The following UNC5C variants were observed in gnomAD, a reference collection of about 807,000 sequenced individuals.
UNC5C encodes unc-5 netrin receptor C.
Under a neutral mutation model 99.8 loss-of-function variants are expected in UNC5C, and 47 were observed. That is an observed-to-expected ratio of 0.47 (90% CI 0.37 to 0.60). The LOEUF is 0.60. UNC5C is among the 20% of genes least tolerant of loss of function. The probability of loss-of-function intolerance (pLI) is 0.00; values close to 1 mark genes in which losing one functional copy is unlikely to be tolerated. For missense variants in UNC5C, 1,062 were observed against 1,165.9 expected (o/e 0.91, Z 1.30); for synonymous variants, 487 against 452.2 (o/e 1.08, Z -0.98).
intron 4 of UNC5C, among the ~76,000 whole-genome samples, chr4:95,268,662 T>C (rs6847919): frequency 0.1 from 15,672 of 152,218 alleles, 2,269 homozygotes; most frequent in African/African-American, 0.33. Flanking sequence ...CACTGATTGG[T>C]ATCGGGAGAA....
intron 1 of UNC5C, 30 bp from the exon 2 acceptor site, chr4:95,335,661 T>G: frequency 1.3e-6 from 2 of 1,558,668 alleles, no homozygotes; most frequent in South Asian, 2.4e-5. Flanking sequence ...TGGAAGATGG[T>G]TAACACATTG....
intron 10 of UNC5C, among the ~76,000 whole-genome samples, chr4:95,210,536 A>G (rs1579234210): frequency 6.6e-6 from 1 of 152,210 alleles, no homozygotes; most frequent in Non-Finnish European, 1.5e-5. Flanking sequence ...TTTGCAGAGA[A>G]GGACTTCTCT....
chr4:95,386,268 G>A (rs572936269), intron 1 of UNC5C, among the ~76,000 whole-genome samples: 93 of 151,678 alleles, frequency 6.1e-4, no homozygotes, highest in African/African-American at 2.1e-3. Flanking sequence ...TGCACATTGT[G>A]CAGGTTAGTT....
chr4:95,288,557 A>C (rs1320920687), intron 3 of UNC5C, among the ~76,000 whole-genome samples: 1 of 152,220 alleles, frequency 6.6e-6, no homozygotes, highest in Non-Finnish European at 1.5e-5. Context: ...AAACAACAGA[A>C]ATATATTCAC....
chr4:95,348,875 A>T (rs1214005904), intron 1 of UNC5C, among the ~76,000 whole-genome samples: 1 of 151,476 alleles, frequency 6.6e-6, no homozygotes, highest in African/African-American at 2.4e-5. Flanking sequence ...CAGAAAGACA[A>T]ACTTCACAGG....
chr4:95,202,652 T>G (rs1737723454), intron 12 of UNC5C, 79 bp downstream of exon 12: 7 of 1,383,238 alleles, frequency 5.1e-6, no homozygotes, highest in East Asian at 2.4e-5. Flanking sequence ...CACAGCCACA[T>G]CTCCAAGTGT....
In UNC5C at chr4:95,169,161, A is replaced by G; in HGVS notation, c.*73T>C. Reference sequence around the variant, plus strand: ...TTGGTCTCATCTGGATTTCCTCCTCAGCTGTGATTCACCTGGACGGCCACA... The same window carrying G: ...TTGGTCTCATCTGGATTTCCTCCTCGGCTGTGATTCACCTGGACGGCCACA... On this transcript the variant is annotated 3_prime_UTR_variant, in exon 16 of 16. Coordinates refer to ENST00000453304, the MANE Select transcript of UNC5C (RefSeq NM_003728.4). The G allele has an allele frequency of 3.2e-6, 5 of 1,580,012 alleles. No homozygotes were observed. Among genetic ancestry groups the G allele is most frequent in the Non-Finnish European group, 4.3e-6 (5 of 1,157,674 alleles).
At chr4:95,495,179 G>A (rs7654545) in intron 1 of UNC5C, among the ~76,000 whole-genome samples, 6,204 of 151,334 alleles carry the variant, frequency 0.041, 422 homozygotes, top group African/African-American at 0.14. Context: ...TTCTTTCTAA[G>A]TAATCACTTA....
At chr4:95,408,827 T>G (rs1345380504) in intron 1 of UNC5C, among the ~76,000 whole-genome samples, 1 of 152,208 alleles carries the variant, frequency 6.6e-6, no homozygotes, top group Non-Finnish European at 1.5e-5. Flanking sequence ...CTACAGCATG[T>G]AAGTATAACC....
chr4:95,223,433 A>G (rs770043053), intron 7 of UNC5C, among the ~76,000 whole-genome samples: 22 of 152,164 alleles, frequency 1.4e-4, no homozygotes, highest in Admixed American at 6.5e-4. Context: ...ACTAAAAGCA[A>G]CTCTAAATCG....
Position 95,165,962 on chromosome 4 carries a change from GAAAA to G in UNC5C, c.*3268_*3271del, listed in dbSNP as rs564858355. The G allele has an allele frequency of 6.6e-6, 1 of 151,666 alleles. No individual in the cohort carries two copies. Among genetic ancestry groups the G allele is most frequent in the South Asian group, 2.1e-4 (1 of 4,810 alleles). The allele number at this position is 151,666 out of a possible 1,614,324, so 9.4% of individuals were successfully genotyped here. The stretch of plus-strand genomic sequence containing the variant: ...TAATATTGAGATGAGTGATGCAAAT[GAAAA>G]AAAAGTGAGAATAAGAAAATTATAA... On this transcript the variant is annotated 3_prime_UTR_variant, in exon 16 of 16. Transcript: ENST00000453304.
intron 7 of UNC5C, among the ~76,000 whole-genome samples, chr4:95,229,019 CT>C (rs1336899150): frequency 6.6e-6 from 1 of 152,000 alleles, no homozygotes; most frequent in Non-Finnish European, 1.5e-5. Context: ...GCATAAAACC[CT>C]ATAAGTAAAT....
chr4:95,505,758 C>G (rs1313205195), intron 1 of UNC5C, among the ~76,000 whole-genome samples: 1 of 151,958 alleles, frequency 6.6e-6, no homozygotes, highest in African/African-American at 2.4e-5. Flanking sequence ...TGTAAAACTG[C>G]TGGGACTGTC....
At chr4:95,224,630 T>TCATC (rs1738607434) in intron 7 of UNC5C, among the ~76,000 whole-genome samples, 2 of 152,006 alleles carry the variant, frequency 1.3e-5, no homozygotes, top group Non-Finnish European at 2.9e-5. Flanking sequence ...ATTCATTCAT[T>TCATC]CATCATCCGT....
At chr4:95,328,062 A>ATTTTTTTT (rs71583698) in intron 2 of UNC5C, among the ~76,000 whole-genome samples, 7 of 86,714 alleles carry the variant, frequency 8.1e-5, no homozygotes, top group Non-Finnish European at 4.5e-5. Flanking sequence ...TTTTTTTTTA[A>ATTTTTTTT]TTTTTTTTTT....
At chr4:95,403,509 C>A (rs1260538863) in intron 1 of UNC5C, among the ~76,000 whole-genome samples, 1 of 152,194 alleles carries the variant, frequency 6.6e-6, no homozygotes, top group Non-Finnish European at 1.5e-5. Context: ...CTAATACTTT[C>A]ACTTTATTTC....
intron 1 of UNC5C, among the ~76,000 whole-genome samples, chr4:95,387,269 G>C (rs1745238285): frequency 6.6e-6 from 1 of 151,990 alleles, no homozygotes; most frequent in Admixed American, 6.6e-5. Context: ...CTCTCAAGTA[G>C]CTGGGACTAT....
At chr4:95,491,512 T>C (rs28605862) in intron 1 of UNC5C, among the ~76,000 whole-genome samples, 6,704 of 151,684 alleles carry the variant, frequency 0.044, 176 homozygotes, top group Middle Eastern at 0.11. Flanking sequence ...TTCTGCTTAC[T>C]GTGCAGTTAG....
chr4:95,543,668 G>C (rs141593711), intron 1 of UNC5C, among the ~76,000 whole-genome samples: 1 of 152,240 alleles, frequency 6.6e-6, no homozygotes, highest in Non-Finnish European at 1.5e-5. Context: ...CAGAAATCCT[G>C]GGGTGTACCT....
Sources: gnomAD v4.1 joint callset for allele counts (sites outside exome capture counted in the v4.1 genomes callset) on GRCh38, gnomAD v4.1.1 for gene constraint, MANE v1.5 for transcripts, NCBI Gene and HGNC (gene_info 2026-07-23, HGNC 2026-07-21) for gene names.